AGAP1: variants seen among roughly 807,000 people sequenced by gnomAD.
AGAP1 encodes the protein ArfGAP with GTPase domain, ankyrin repeat and PH domain 1.
Under a neutral mutation model 105.3 loss-of-function variants are expected in AGAP1, and 29 were observed. That is an observed-to-expected ratio of 0.28 (90% CI 0.21 to 0.38). The LOEUF (loss-of-function observed/expected upper bound fraction) is 0.38, where lower values mean the gene tolerates loss of function less well. Ranked by LOEUF, AGAP1 falls within the 10% of genes least tolerant of loss-of-function variation. The pLI, the probability that AGAP1 is intolerant of heterozygous loss-of-function variation, is 1.00. For synonymous variants in AGAP1, 509 were observed against 485.9 expected, an observed-to-expected ratio of 1.05 and a Z score of -0.63; for missense variants, 998 against 1,165.1, an observed-to-expected ratio of 0.86 and a Z score of 2.09.
chr2:235,978,087 C>G (rs1291068549), intron 13 of AGAP1, among the ~76,000 whole-genome samples: 1 of 152,172 alleles, frequency 6.6e-6, no homozygotes, highest in Non-Finnish European at 1.5e-5. Flanking sequence ...GAACACCCCT[C>G]CCATCATGAA....
At position 236,076,387 on chromosome 2, in the gene AGAP1, G is replaced by A. The variant is rs1251950342; in HGVS notation, c.2114+27106G>A. On this transcript the variant is annotated intron_variant, in intron 16 of 17. Coordinates refer to ENST00000304032, the MANE Select transcript of AGAP1 (RefSeq NM_001037131.3). This position sits in a 1 kb window ranked among gnomAD's most constrained non-coding sequence, Gnocchi z 4.4. ...TTGAACCCTGGAGGCAGAGGTTACA[G>A]TGAGTCGAGACCACACCATTGTACT... Among the ~76,000 whole-genome samples the A allele has an allele frequency of 2.0e-5, 3 of 152,094 alleles. No homozygotes were observed. Among genetic ancestry groups the A allele is most frequent in the Non-Finnish European group, 4.4e-5 (3 of 68,026 alleles).
intron 1 of AGAP1, among the ~76,000 whole-genome samples, chr2:235,530,302 C>T (rs187285525): frequency 2.0e-5 from 3 of 152,252 alleles, no homozygotes; most frequent in Admixed American, 1.3e-4. Flanking sequence ...TGTGATATCC[C>T]GTTAGACTGT....
At chr2:235,876,174 T>TG (rs1559594831) in intron 9 of AGAP1, among the ~76,000 whole-genome samples, 1 of 152,234 alleles carries the variant, frequency 6.6e-6, no homozygotes, top group African/African-American at 2.4e-5. Context: ...TGCAAATACT[T>TG]GTATCTGTTG....
intron 9 of AGAP1, among the ~76,000 whole-genome samples, chr2:235,861,252 C>T (rs1158702158): frequency 6.6e-6 from 1 of 152,168 alleles, no homozygotes; most frequent in African/African-American, 2.4e-5. Context: ...ATTTGTTCAA[C>T]ATCACTTCAT....
chr2:235,799,452 A>C lies in AGAP1; in HGVS notation c.887A>C (p.Asp296Ala). ...ACCAGCCAGAAGGAACTTCGGATCGATGTTCCTCCCACTGCCAACACGCCC... is the reference window on the plus strand; with the variant it reads ...ACCAGCCAGAAGGAACTTCGGATCGCTGTTCCTCCCACTGCCAACACGCCC... The part of the protein sequence containing the change: ...PSTSQKELRI[D>A]VPPTANTPTP... Residue 296 changes from aspartate (D) to alanine (A), a missense_variant, in exon 8 of 18, where the codon GAT becomes GCT. Physicochemically the swap from Asp to Ala is moderately radical, Grantham distance 126. Coordinates refer to ENST00000304032, the MANE Select transcript of AGAP1 (RefSeq NM_001037131.3). The surrounding 1 kb of genome is among the most constrained non-coding windows in gnomAD (Gnocchi z 5.0). 6.2e-7 allele frequency: 1 copy of C among 1,614,172 alleles called. No individual in the cohort carries two copies. Among genetic ancestry groups the C allele is most frequent in the Non-Finnish European group, 8.5e-7 (1 of 1,180,028 alleles).
In AGAP1 at chr2:236,056,981, T is replaced by A. The variant is rs907141488; in HGVS notation, c.2114+7700T>A. Among the ~76,000 whole-genome samples, 1 of 152,222 alleles carries A rather than the reference T, an allele frequency of 6.6e-6. No individual in the cohort carries two copies. Among genetic ancestry groups the A allele is most frequent in the Non-Finnish European group, 1.5e-5 (1 of 68,036 alleles). On this transcript the variant is annotated intron_variant, in intron 16 of 17. Coordinates refer to ENST00000304032, the MANE Select transcript of AGAP1 (RefSeq NM_001037131.3). This position sits in a 1 kb window ranked among gnomAD's most constrained non-coding sequence, Gnocchi z 4.6. Reference sequence around the variant, plus strand: ...TCAGTTTCTATCTCAGTAGCCATCGTGTGTCAAACTTACTAAATGAGTAGT... The same window carrying A: ...TCAGTTTCTATCTCAGTAGCCATCGAGTGTCAAACTTACTAAATGAGTAGT...
At chr2:235,603,211 G>C (rs1351907340) in intron 1 of AGAP1, among the ~76,000 whole-genome samples, 2 of 151,904 alleles carry the variant, frequency 1.3e-5, no homozygotes, top group African/African-American at 2.4e-5. Context: ...CCTTTTGCTC[G>C]GCTCTCGTCT....
intron 1 of AGAP1, among the ~76,000 whole-genome samples, chr2:235,595,017 C>T (rs916864815): frequency 2.0e-5 from 3 of 151,822 alleles, no homozygotes; most frequent in Non-Finnish European, 2.9e-5. Context: ...GGAGAGGGCA[C>T]CTCCCGGCAT....
At position 236,044,710 on chromosome 2, in the gene AGAP1, G is replaced by A. The variant is rs1205279031; in HGVS notation, c.1891+3869G>A. ...CAAATAGAACCTCCGGTCCCGCAAC[G>A]TCGGGTCTCCTTCCCATTGTCGCCT... is the stretch of plus-strand genomic sequence containing the variant. On this transcript the variant is annotated intron_variant, in intron 15 of 17. Coordinates refer to ENST00000304032, the MANE Select transcript of AGAP1 (RefSeq NM_001037131.3). This position sits in a 1 kb window ranked among gnomAD's most constrained non-coding sequence, Gnocchi z 5.7. 7.2e-5 allele frequency among the ~76,000 whole-genome samples: 11 copies of A among 152,180 alleles called. No individual in the cohort carries two copies. In the South Asian group the frequency reaches 8.3e-4, roughly 11 times the overall value.
At chr2:236,054,926 C>G (rs933218807) in intron 16 of AGAP1, among the ~76,000 whole-genome samples, 1 of 152,176 alleles carries the variant, frequency 6.6e-6, no homozygotes, top group African/African-American at 2.4e-5. Flanking sequence ...CTCAAGCTCA[C>G]TGATAAATTA....
intron 13 of AGAP1, among the ~76,000 whole-genome samples, chr2:236,011,023 G>A (rs1385768050): frequency 2.0e-5 from 3 of 152,172 alleles, no homozygotes; most frequent in African/African-American, 7.2e-5. Flanking sequence ...CTCCAGCCTG[G>A]GCTAACAGTG....
intron 1 of AGAP1, among the ~76,000 whole-genome samples, chr2:235,554,673 A>ATTTC (rs1208501734): frequency 3.3e-5 from 5 of 151,872 alleles, no homozygotes; most frequent in East Asian, 3.9e-4. Context: ...TCACGGAACC[A>ATTTC]TTTCTTTCTT....
chr2:235,589,911 C>T lies in AGAP1; in HGVS notation c.163+95062C>T, dbSNP rs138939427. ...CCTTTTTTTTTTTGAGATGGTATCTCGTTCTGTCGCCCAGGCTGGAGTGCA... is the reference window on the plus strand; with the variant it reads ...CCTTTTTTTTTTTGAGATGGTATCTTGTTCTGTCGCCCAGGCTGGAGTGCA... On this transcript the variant is annotated intron_variant, in intron 1 of 17. Coordinates refer to ENST00000304032, the MANE Select transcript of AGAP1 (RefSeq NM_001037131.3). Among the ~76,000 whole-genome samples, 1,253 of 151,550 alleles carry T rather than the reference C, an allele frequency of 8.3e-3. 3 individuals are homozygous for T. The highest frequency in any genetic ancestry group is 0.013 in the Non-Finnish European group (878 of 67,888).
Position 235,930,913 on chromosome 2 carries a change from C to T in AGAP1, c.1473C>T (p.Ala491=). The T allele has an allele frequency of 1.2e-6, 2 of 1,613,732 alleles. No homozygotes were observed. The highest frequency in any genetic ancestry group is 1.7e-6 in the Non-Finnish European group (2 of 1,179,830). ...AGGCTACGGTCATTGCAAACTCGGC[C>T]ATCAGCAGTGGTAAGAGGGGGCTCA... ...WSEATVIANS[A]ISSDTGLGDS... is the part of the protein sequence containing the mutation. Residue 491 remains alanine, a synonymous_variant, in exon 12 of 18, where the codon GCC becomes GCT. Transcript: ENST00000304032. This position sits in a 1 kb window ranked among gnomAD's most constrained non-coding sequence, Gnocchi z 7.9.
At chr2:235,975,271 T>C (rs1162743160) in intron 13 of AGAP1, among the ~76,000 whole-genome samples, 5 of 152,220 alleles carry the variant, frequency 3.3e-5, no homozygotes, top group African/African-American at 1.2e-4. Flanking sequence ...TTTTTATTAT[T>C]ATTAATTAGT....
intron 1 of AGAP1, among the ~76,000 whole-genome samples, chr2:235,617,749 C>T (rs556132754): frequency 1.8e-4 from 28 of 152,246 alleles, no homozygotes; most frequent in African/African-American, 6.3e-4. Context: ...TCTGTTTCTG[C>T]GGCCTGGCTA....
In AGAP1 at chr2:235,701,881, C is replaced by T. The variant is rs1229476637; in HGVS notation, c.164-7298C>T. ...CTCTGTGGATGTACCATCTTTCTTC[C>T]ATTGTTGTTTTGTTTTATATTTGGG... On this transcript the variant is annotated intron_variant, in intron 1 of 17. Coordinates refer to ENST00000304032, the MANE Select transcript of AGAP1 (RefSeq NM_001037131.3). This position sits in a 1 kb window ranked among gnomAD's most constrained non-coding sequence, Gnocchi z 4.1. 1.3e-5 allele frequency among the ~76,000 whole-genome samples: 2 copies of T among 152,106 alleles called. No individual in the cohort carries two copies. Among genetic ancestry groups the T allele is most frequent in the East Asian group, 3.9e-4 (2 of 5,182 alleles).
chr2:235,885,305 A>G (rs548243198), intron 10 of AGAP1, among the ~76,000 whole-genome samples: 2 of 152,316 alleles, frequency 1.3e-5, no homozygotes, highest in South Asian at 4.1e-4. Flanking sequence ...TAATGATTAT[A>G]TAATATTCCA....
rs2058023458 is a variant in AGAP1, at chr2:236,055,380, T to A, written c.2114+6099T>A. 6.6e-6 allele frequency among the ~76,000 whole-genome samples: 1 copy of A among 152,208 alleles called. No individual in the cohort carries two copies. The highest frequency in any genetic ancestry group is 2.4e-5 in the African/African-American group (1 of 41,444). On this transcript the variant is annotated intron_variant, in intron 16 of 17. Coordinates refer to ENST00000304032, the MANE Select transcript of AGAP1 (RefSeq NM_001037131.3). The surrounding 1 kb of genome is among the most constrained non-coding windows in gnomAD (Gnocchi z 6.2). ...TTCTTTCAGTGCTCTCAGGGAGAAT[T>A]CTGTTTGTGGAGGAAGCTGCTGTGC...
Sources: gnomAD v4.1 joint callset for allele counts (sites outside exome capture counted in the v4.1 genomes callset) on GRCh38, gnomAD v4.1.1 for gene constraint, Gnocchi (gnomAD v3.1) non-coding constraint, MANE v1.5 for transcripts, NCBI Gene and HGNC (gene_info 2026-07-23, HGNC 2026-07-21) for gene names.